DIAPH2: variants seen among roughly 807,000 people sequenced by gnomAD.
The protein encoded by DIAPH2 is protein diaphanous homolog 2.
In DIAPH2, 35 loss-of-function variants were observed where a neutral mutation model predicts 92.7. The observed-to-expected ratio is 0.38, with a 90% CI of 0.29 to 0.50. DIAPH2 has a LOEUF of 0.50. Ranked by LOEUF, DIAPH2 falls within the 20% of genes least tolerant of loss-of-function variation. The probability of loss-of-function intolerance (pLI) is 0.94; values close to 1 mark genes in which losing one functional copy is unlikely to be tolerated. For missense variants in DIAPH2, 701 were observed against 819.5 expected, an observed-to-expected ratio of 0.86 and a Z score of 1.77; for synonymous variants, 301 against 280.4, an observed-to-expected ratio of 1.07 and a Z score of -0.73.
chrX:97,285,513 G>T (rs1420353986), intron 23 of DIAPH2, among the ~76,000 whole-genome samples: 2 of 110,543 alleles, frequency 1.8e-5, no homozygotes, highest in South Asian at 3.8e-4. Context: ...TACAAACTTG[G>T]TTATTGCTAT....
At chrX:96,939,409 A>G in intron 12 of DIAPH2, 27 bp downstream of exon 12, 1 of 668,769 alleles carries the variant, frequency 1.5e-6, no homozygotes, top group South Asian at 2.6e-5. Context: ...AGAGTACTAT[A>G]TTTATAATTT....
chrX:97,382,167 A>C (rs1765440612), intron 24 of DIAPH2, among the ~76,000 whole-genome samples: 1 of 112,321 alleles, frequency 8.9e-6, no homozygotes, highest in Non-Finnish European at 1.9e-5. Flanking sequence ...ATGCCTTTTC[A>C]CATTGTTTTT....
At chrX:96,711,406 T>G (rs1220857600) in intron 1 of DIAPH2, among the ~76,000 whole-genome samples, 1 of 112,252 alleles carries the variant, frequency 8.9e-6, no homozygotes, top group Non-Finnish European at 1.9e-5. Flanking sequence ...ATTGTGGGTT[T>G]AATTTGCACT....
chrX:97,234,795 G>C (rs2068035986), intron 22 of DIAPH2, among the ~76,000 whole-genome samples: 1 of 111,942 alleles, frequency 8.9e-6, no homozygotes, highest in Non-Finnish European at 1.9e-5. Context: ...CAGGCAGCCA[G>C]CTAGATATGG....
At position 96,912,035 on chromosome X, in the gene DIAPH2, G is replaced by A. The variant is rs748967840; in HGVS notation, c.588-293G>A. On this transcript the variant is annotated intron_variant, in intron 5 of 26. Transcript: ENST00000324765. ...AAGTTGACTTAGGGGTATGGAGACA[G>A]AGGAAGATGAATTCAGCTTGTGAAT... Among the ~76,000 whole-genome samples, 12 of 111,633 alleles carry A rather than the reference G, an allele frequency of 1.1e-4. No individual in the cohort carries two copies. In the South Asian group the frequency reaches 3.7e-3, roughly 35 times the overall value.
chrX:97,161,601 G>A (rs959250418), intron 22 of DIAPH2, among the ~76,000 whole-genome samples: 2 of 110,805 alleles, frequency 1.8e-5, no homozygotes, highest in African/African-American at 6.6e-5. Context: ...AGGGGGTTTC[G>A]CCACCCAGAC....
chrX:96,720,047 G>A (rs1319654208), intron 1 of DIAPH2, among the ~76,000 whole-genome samples: 8 of 111,236 alleles, frequency 7.2e-5, no homozygotes, highest in South Asian at 7.6e-4. Context: ...TCTTGGATTC[G>A]GGTCAAAATT....
chrX:97,386,459 A>G (rs528014562), intron 25 of DIAPH2, among the ~76,000 whole-genome samples: 388 of 111,492 alleles, frequency 3.5e-3, no homozygotes, highest in African/African-American at 0.012. Context: ...CACGAGGTCA[A>G]GAGTTCGAGA....
chrX:96,963,765 T>C (rs955452329), intron 16 of DIAPH2, among the ~76,000 whole-genome samples: 11 of 111,462 alleles, frequency 9.9e-5, no homozygotes, highest in African/African-American at 3.3e-4. Context: ...TCTACTCTCT[T>C]TTTTGGCCTT....
At chrX:97,550,018 C>G (rs1439126364) in intron 26 of DIAPH2, among the ~76,000 whole-genome samples, 1 of 112,475 alleles carries the variant, frequency 8.9e-6, no homozygotes, top group Non-Finnish European at 1.9e-5. Flanking sequence ...TGCTCTTAGC[C>G]TAAGGTTTCA....
intron 22 of DIAPH2, among the ~76,000 whole-genome samples, chrX:97,166,327 C>T: frequency 9.0e-6 from 1 of 111,492 alleles, no homozygotes; most frequent in East Asian, 2.8e-4. Context: ...CTTTGAATGT[C>T]TTTCTGTGAG....
chrX:97,306,048 G>A (rs200786411), intron 23 of DIAPH2, among the ~76,000 whole-genome samples: 12 of 98,572 alleles, frequency 1.2e-4, no homozygotes, highest in Non-Finnish European at 1.0e-4. Context: ...AAAGTATAAA[G>A]AAAAAAAAAA....
At chrX:97,008,093 C>T (rs967382542) in intron 17 of DIAPH2, among the ~76,000 whole-genome samples, 5 of 100,006 alleles carry the variant, frequency 5.0e-5, no homozygotes, top group South Asian at 9.8e-4. Context: ...AGTAGGCATG[C>T]GTCATTCTAT....
chrX:97,021,485 A>G (rs1304586121), intron 17 of DIAPH2, among the ~76,000 whole-genome samples: 1 of 112,400 alleles, frequency 8.9e-6, no homozygotes, highest in Non-Finnish European at 1.9e-5. Flanking sequence ...GGCGTGAGCC[A>G]CCAGCAAGAA....
At chrX:97,539,103 C>T (rs1314614336) in intron 26 of DIAPH2, among the ~76,000 whole-genome samples, 2 of 111,508 alleles carry the variant, frequency 1.8e-5, no homozygotes. Flanking sequence ...TTTTGTAACC[C>T]GATCAAAAGA....
chrX:97,602,380 T>A lies in DIAPH2; in HGVS notation c.*3063T>A, dbSNP rs1029700130. 11 of 112,611 alleles carry A rather than the reference T, an allele frequency of 9.8e-5. No homozygotes were observed. Among genetic ancestry groups the A allele is most frequent in the African/African-American group, 3.5e-4 (11 of 30,996 alleles). The allele number at this position is 112,611 out of a possible 1,213,427, so 9.3% of individuals were successfully genotyped here. A position where few individuals can be genotyped will look rare whatever the true frequency, so the allele number is the denominator to read the frequency against. On this transcript the variant is annotated 3_prime_UTR_variant, in exon 27 of 27. Coordinates refer to ENST00000324765, the MANE Select transcript of DIAPH2 (RefSeq NM_006729.5). ...GTGAAACTCTGGGTATGGTCTTTCC[T>A]GAGGCCAAATTCCTCTTCCTCTGAG...
At chrX:96,987,380 C>T (rs2066039700) in intron 17 of DIAPH2, among the ~76,000 whole-genome samples, 1 of 111,395 alleles carries the variant, frequency 9.0e-6, no homozygotes, top group South Asian at 3.8e-4. Context: ...TATCATATGC[C>T]ATACACTACT....
intron 26 of DIAPH2, among the ~76,000 whole-genome samples, chrX:97,468,062 C>A (rs2070529598): frequency 8.9e-6 from 1 of 111,846 alleles, no homozygotes; most frequent in African/African-American, 3.3e-5. Context: ...TCAGACCAAG[C>A]TGTCAGGGGA....
intron 17 of DIAPH2, among the ~76,000 whole-genome samples, chrX:96,998,222 T>C (rs1268403479): frequency 9.0e-6 from 1 of 111,158 alleles, no homozygotes; most frequent in African/African-American, 3.3e-5. Context: ...GTAATTAATA[T>C]TTACCTTTAA....
Sources: gnomAD v4.1 joint callset for allele counts (sites outside exome capture counted in the v4.1 genomes callset) on GRCh38, gnomAD v4.1.1 for gene constraint, MANE v1.5 for transcripts, NCBI Gene and HGNC (gene_info 2026-07-23, HGNC 2026-07-21) for gene names.